The following ORC4 variants were observed in gnomAD, a reference collection of about 807,000 sequenced individuals.
The protein encoded by ORC4 is origin recognition complex subunit 4, also known as origin recognition complex, subunit 4 homolog.
A neutral mutation model predicts 63.9 loss-of-function variants in ORC4; 55 were observed. The ratio of observed to expected loss-of-function variants is 0.86; its 90% confidence interval spans 0.69 to 1.08. The LOEUF (loss-of-function observed/expected upper bound fraction) is 1.08. ORC4 is among the 50% of genes least tolerant of loss of function. The pLI is 0.00. For synonymous variants in ORC4, 150 were observed against 168.5 expected (o/e 0.89, Z 0.85); for missense variants, 511 against 504.4 (o/e 1.01, Z -0.13).
At chr2:147,962,194 C>T (rs957047417) in intron 4 of ORC4, among the ~76,000 whole-genome samples, 3 of 152,152 alleles carry the variant, frequency 2.0e-5, no homozygotes, top group African/African-American at 4.8e-5. Flanking sequence ...AAAAGGTAAG[C>T]AGAAGATCCC....
chr2:148,005,472 G>A (rs1439536240), intron 1 of ORC4, among the ~76,000 whole-genome samples: 1 of 151,654 alleles, frequency 6.6e-6, no homozygotes, highest in Non-Finnish European at 1.5e-5. Context: ...TTAATGACAC[G>A]TGTATACCTA....
chr2:147,946,255 C>T (rs1239930509), intron 9 of ORC4, among the ~76,000 whole-genome samples: 1 of 151,346 alleles, frequency 6.6e-6, no homozygotes, highest in Non-Finnish European at 1.5e-5. Context: ...CAACCTAGAC[C>T]ATGTAGTTAC....
intron 1 of ORC4, among the ~76,000 whole-genome samples, chr2:148,007,540 A>C (rs897304349): frequency 6.6e-6 from 1 of 152,224 alleles, no homozygotes; most frequent in Non-Finnish European, 1.5e-5. Flanking sequence ...AAAAAATAAT[A>C]AAACAATAAT....
rs761034327 is a variant in ORC4 at position 147,948,166 on chromosome 2, T to C, written c.647A>G (p.His216Arg). The change falls in exon 9 of 14, where the codon CAC (histidine) becomes CGC (arginine). Residue 216 changes from histidine to arginine, a missense_variant. His to Arg is a conservative substitution (Grantham distance 29). Transcript: ENST00000392857. ...VKSRFSHRQI[H>R]LMNSFGFPQY... Reference sequence around the variant, plus strand: ...TGGAAAACCAAATGAATTCATTAAGTGTATCTGCCGGTGAGAAAATCTTGA... The same window carrying C: ...TGGAAAACCAAATGAATTCATTAAGCGTATCTGCCGGTGAGAAAATCTTGA... 6.2e-7 allele frequency: 1 copy of C among 1,610,356 alleles called. No individual in the cohort carries two copies. The highest frequency in any genetic ancestry group is 1.7e-5 in the Admixed American group (1 of 59,864).
intron 6 of ORC4, 98 bp from the exon 7 acceptor site, chr2:147,955,493 C>T: frequency 1.2e-6 from 1 of 824,816 alleles, no homozygotes; most frequent in African/African-American, 1.7e-5. Flanking sequence ...CACTGTATAT[C>T]TTCTAGTTAT....
intron 1 of ORC4, among the ~76,000 whole-genome samples, chr2:147,981,434 T>C (rs941560049): frequency 6.6e-6 from 1 of 152,220 alleles, no homozygotes; most frequent in African/African-American, 2.4e-5. Flanking sequence ...TCTGGAGTTT[T>C]CCATTTAATA....
intron 1 of ORC4, among the ~76,000 whole-genome samples, chr2:148,020,283 C>T (rs1693618884): frequency 6.6e-6 from 1 of 152,188 alleles, no homozygotes; most frequent in Admixed American, 6.5e-5. Context: ...AGATAGAAGT[C>T]CTCCGTCCTG....
chr2:147,955,931 G>A (rs1689224289), intron 6 of ORC4, among the ~76,000 whole-genome samples: 1 of 151,948 alleles, frequency 6.6e-6, no homozygotes, highest in South Asian at 2.1e-4. Flanking sequence ...AGAGTATACT[G>A]AAGAATTTAT....
At position 147,958,830 on chromosome 2, in the gene ORC4, C is replaced by A; in HGVS notation, c.262G>T (p.Glu88Ter). ...NHALKELMEIEEVSENVLQVH... is the reference protein window; with the variant it reads ...NHALKELMEI ...TGTAATACATTTTCACTCACTTCTT[C>A]TATTTCCATGAGTTCTTTCAAAGCA... is the stretch of plus-strand genomic sequence containing the variant. The change falls in exon 5 of 14, where the codon GAA becomes TAA. Residue 88 changes from glutamate (E) to a stop codon, truncating the protein, a stop_gained. Transcript: ENST00000392857. LOFTEE classifies it high-confidence loss of function. 1 of 1,452,714 alleles carries A rather than the reference C, an allele frequency of 6.9e-7. No individual in the cohort carries two copies. Among genetic ancestry groups the A allele is most frequent in the Non-Finnish European group, 9.7e-7 (1 of 1,034,732 alleles). 90.0% of individuals were successfully genotyped at this position (1,452,714 alleles called of 1,614,324 possible).
intron 4 of ORC4, among the ~76,000 whole-genome samples, chr2:147,970,389 C>T (rs185286820): frequency 6.6e-5 from 10 of 152,224 alleles, no homozygotes; most frequent in African/African-American, 2.4e-4. Context: ...CAACACAATA[C>T]TGCAGAAGAA....
chr2:148,005,107 G>A (rs550482381), intron 1 of ORC4, among the ~76,000 whole-genome samples: 2 of 152,220 alleles, frequency 1.3e-5, no homozygotes, highest in Admixed American at 1.3e-4. Flanking sequence ...ACATGCATAC[G>A]TATGTTTATT....
chr2:148,006,313 C>A (rs72855242), intron 1 of ORC4, among the ~76,000 whole-genome samples: 19 of 151,350 alleles, frequency 1.3e-4, no homozygotes, highest in South Asian at 2.1e-4. Flanking sequence ...AATCCTCCCC[C>A]CAAGGAGAGT....
chr2:147,948,209 A>C lies in ORC4; in HGVS notation c.604T>G (p.Leu202Val), dbSNP rs73003466. Residue 202 changes from leucine (L) to valine (V), a missense_variant, in exon 9 of 14, where the codon TTA becomes GTA. Physicochemically the swap from Leu to Val is conservative, Grantham distance 32. Transcript: ENST00000392857. Reference sequence around the variant, plus strand: ...AATCTTGACTTCACTCTTTTTTCTAAGAGTTCCAAAATATCCTTAAAAACA... The same window carrying C: ...AATCTTGACTTCACTCTTTTTTCTACGAGTTCCAAAATATCCTTAAAAACA... ...LTCRLDILELLEKRVKSRFSH... is the reference protein window; with the variant it reads ...LTCRLDILELVEKRVKSRFSH... 804 of 1,606,864 alleles carry C rather than the reference A, an allele frequency of 5.0e-4. 2 individuals are homozygous for C. The African/African-American group carries it at 9.4e-3, about 19-fold the overall frequency.
chr2:147,971,374 C>T (rs948933845), intron 4 of ORC4, among the ~76,000 whole-genome samples: 1 of 151,204 alleles, frequency 6.6e-6, no homozygotes, highest in African/African-American at 2.4e-5. Flanking sequence ...AAAATACTTG[C>T]AAAACAAAAC....
rs1692126413 is a variant in ORC4 at position 147,998,689 on chromosome 2, T to C, written c.-18+21944A>G. 4.6e-5 allele frequency among the ~76,000 whole-genome samples: 7 copies of C among 152,328 alleles called. 1 individual carries two copies. Among genetic ancestry groups the C allele is most frequent in the African/African-American group, 1.7e-4 (7 of 41,588 alleles). On this transcript the variant is annotated intron_variant, in intron 1 of 13. Transcript: ENST00000392857. ...TTTATAAATTACCCAGTCTTAGGTA[T>C]TCTTTTATAGCAATACAAAACAGAC...
intron 10 of ORC4, among the ~76,000 whole-genome samples, chr2:147,940,630 GATAT>G (rs17225614): frequency 1.3e-5 from 2 of 149,872 alleles, no homozygotes; most frequent in East Asian, 1.9e-4. Context: ...TGGATATATG[GATAT>G]ATATATATAT....
At chr2:148,001,367 G>C (rs1434263428) in intron 1 of ORC4, among the ~76,000 whole-genome samples, 1 of 152,034 alleles carries the variant, frequency 6.6e-6, no homozygotes, top group African/African-American at 2.4e-5. Flanking sequence ...AGAGCCGAAT[G>C]TTATTTTAGA....
intron 6 of ORC4, among the ~76,000 whole-genome samples, chr2:147,955,621 T>C (rs1295269273): frequency 6.6e-6 from 1 of 152,008 alleles, no homozygotes; most frequent in Non-Finnish European, 1.5e-5. Context: ...TTTGAAATTT[T>C]ATATTTTAGA....
chr2:147,937,835 G>T, intron 13 of ORC4: 1 of 313,674 alleles, frequency 3.2e-6, no homozygotes, highest in South Asian at 4.2e-5. Flanking sequence ...TCCTTTTACT[G>T]CTGAGATTAT....
Sources: allele counts gnomAD v4.1 joint callset (sites outside exome capture counted in the v4.1 genomes callset), GRCh38; gene constraint gnomAD v4.1.1; transcripts MANE v1.5; gene names NCBI Gene and HGNC (gene_info 2026-07-23, HGNC 2026-07-21).